IFT46: variants seen among roughly 807,000 people sequenced by gnomAD.
The protein encoded by IFT46 is intraflagellar transport protein 46 homolog.
A neutral mutation model predicts 39.6 loss-of-function variants in IFT46; 19 were observed. That is an observed-to-expected ratio of 0.48 (90% CI 0.33 to 0.70). The LOEUF (loss-of-function observed/expected upper bound fraction) is 0.70, where lower values mean the gene tolerates loss of function less well. IFT46 is among the 30% of genes least tolerant of loss of function. The pLI is 0.01. For synonymous variants in IFT46, 117 were observed against 134.8 expected (o/e 0.87, Z 0.91); for missense variants, 334 against 364.8 (o/e 0.92, Z 0.69).
intron 4 of IFT46, 60 bp from the exon 5 acceptor site, chr11:118,555,382 C>T: frequency 3.1e-6 from 4 of 1,288,540 alleles, no homozygotes; most frequent in Non-Finnish European, 4.5e-6. Flanking sequence ...TGGCAGGGTC[C>T]TAGGTGCTGG....
At chr11:118,565,140 C>T (rs1361479723) in intron 1 of IFT46, 79 bp from the exon 2 acceptor site, 1 of 152,504 alleles carries the variant, frequency 6.6e-6, no homozygotes, top group African/African-American at 2.4e-5. Context: ...TCCAAACCAG[C>T]ATTGGCTCCT....
chr11:118,565,982 C>T (rs1248365063), upstream of IFT46: 2 of 152,166 alleles, frequency 1.3e-5, no homozygotes, highest in Non-Finnish European at 1.5e-5. Flanking sequence ...ACCTCCTGCG[C>T]GTTAAGCCTC....
intron 2 of IFT46, among the ~76,000 whole-genome samples, chr11:118,563,165 A>G (rs1357962855): frequency 2.6e-5 from 4 of 152,036 alleles, no homozygotes; most frequent in African/African-American, 7.3e-5. Flanking sequence ...GAACATCACA[A>G]TAAGTGAAGT....
At position 118,554,576 on chromosome 11, in the gene IFT46, A is replaced by G; in HGVS notation, c.366T>C (p.Pro122=). The G allele has an allele frequency of 6.2e-7, 1 of 1,601,516 alleles. No homozygotes were observed. Among genetic ancestry groups the G allele is most frequent in the Non-Finnish European group, 8.5e-7 (1 of 1,176,674 alleles). Reference sequence around the variant, plus strand: ...GGCCAAGGTTGTCAGGCTTTCCATCAGGACGTGGGACCTGGTTAAGAAAAA... The same window carrying G: ...GGCCAAGGTTGTCAGGCTTTCCATCGGGACGTGGGACCTGGTTAAGAAAAA... ...DIDAFLKVPR[P]DGKPDNLGLL... Residue 122 remains proline (P), a synonymous_variant, in exon 7 of 12, where the codon CCT becomes CCC. Transcript: ENST00000264021.
chr11:118,551,856 A>G lies in IFT46; in HGVS notation c.606-4T>C. 1 of 1,613,568 alleles carries G rather than the reference A, an allele frequency of 6.2e-7. No individual in the cohort carries two copies. The highest frequency in any genetic ancestry group is 8.5e-7 in the Non-Finnish European group (1 of 1,179,612). ...CGTGTCAATGTCGGGCATGGGCCTA[A>G]AAGTATAAAGGTAAATATGAACAAG... is the stretch of plus-strand genomic sequence containing the variant. On this transcript the variant is annotated splice_region_variant and splice_polypyrimidine_tract_variant and intron_variant, in intron 8 of 11. Coordinates refer to ENST00000264021, the MANE Select transcript of IFT46 (RefSeq NM_001168618.2).
upstream of IFT46, among the ~76,000 whole-genome samples, chr11:118,568,324 T>C (rs1555071862): frequency 1.3e-5 from 2 of 151,976 alleles, no homozygotes; most frequent in African/African-American, 4.8e-5. Context: ...CCGAGGCAGG[T>C]GGATCACCAG....
chr11:118,560,572 C>G, intron 2 of IFT46: 1 of 313,018 alleles, frequency 3.2e-6, no homozygotes, highest in South Asian at 3.3e-5. Context: ...GTGCTGAATT[C>G]ATACTAAGAG....
upstream of IFT46, among the ~76,000 whole-genome samples, chr11:118,575,411 G>GTGTGTGTGTGT (rs1938469905): frequency 1.1e-4 from 17 of 149,084 alleles, no homozygotes; most frequent in African/African-American, 3.7e-4. Flanking sequence ...ACTGATAACG[G>GTGTGTGTGTGT]GTGTGTGTGT....
At chr11:118,573,705 C>T, upstream of IFT46, 1 of 700,270 alleles carries the variant, frequency 1.4e-6, no homozygotes, top group East Asian at 2.7e-5. Flanking sequence ...CTATTGACAA[C>T]CCTTTAGATA....
chr11:118,557,381 G>A, intron 3 of IFT46: 1 of 396,866 alleles, frequency 2.5e-6, no homozygotes, highest in East Asian at 5.1e-5. Flanking sequence ...TCAAAGAAGA[G>A]GATGGCAACT....
In IFT46 at chr11:118,554,508, G is replaced by A. The variant is rs371574336; in HGVS notation, c.434C>T (p.Thr145Met). ...DEPSTKQSDP[T>M]VLSLWLTENS... ...CTCTGTTAACCAGAGTGAGAGCACCGTAGGGTCTGACTGCTTTGTAGAAGG... is the reference window on the plus strand; with the variant it reads ...CTCTGTTAACCAGAGTGAGAGCACCATAGGGTCTGACTGCTTTGTAGAAGG... Residue 145 changes from threonine to methionine, a missense_variant, in exon 7 of 12, where the codon ACG (threonine) becomes ATG (methionine). By Grantham distance (81) the Thr-to-Met change is moderately conservative (BLOSUM62 -1). Coordinates refer to ENST00000264021, the MANE Select transcript of IFT46 (RefSeq NM_001168618.2). The A allele has an allele frequency of 1.7e-5, 27 of 1,613,274 alleles. No individual in the cohort carries two copies. The highest frequency in any genetic ancestry group is 1.6e-4 in the Middle Eastern group (1 of 6,080).
chr11:118,559,024 G>A (rs1446974084), intron 3 of IFT46, among the ~76,000 whole-genome samples: 2 of 148,628 alleles, frequency 1.3e-5, no homozygotes, highest in East Asian at 4.4e-4. Flanking sequence ...CCGCCACCAC[G>A]CCCAGCTAAT....
intron 2 of IFT46, chr11:118,561,419 G>T: frequency 1.2e-6 from 1 of 816,566 alleles, no homozygotes; most frequent in Non-Finnish European, 2.2e-6. Context: ...GAAAGCTCAT[G>T]CTGCTATATG....
At position 118,545,474 on chromosome 11, in the gene IFT46, A is replaced by G; in HGVS notation, c.754T>C (p.Tyr252His). 2 of 1,613,582 alleles carry G rather than the reference A, an allele frequency of 1.2e-6. No individual in the cohort carries two copies. Among genetic ancestry groups the G allele is most frequent in the Non-Finnish European group, 1.7e-6 (2 of 1,179,502 alleles). ...MICAILDIPV[Y>H]KSRIQSLHLL... is the part of the protein sequence containing the mutation. ...TGGAGGGACTGGATCCGACTCTTGTAGACAGGGATGTCTAGAATGGCTGAA... is the reference window on the plus strand; with the variant it reads ...TGGAGGGACTGGATCCGACTCTTGTGGACAGGGATGTCTAGAATGGCTGAA... Residue 252 changes from tyrosine to histidine, a missense_variant, in exon 11 of 12, where the codon TAC becomes CAC. Transcript: ENST00000264021.
upstream of IFT46, among the ~76,000 whole-genome samples, chr11:118,567,860 A>G (rs1938263422): frequency 6.6e-6 from 1 of 152,194 alleles, no homozygotes; most frequent in African/African-American, 2.4e-5. Context: ...ACCTTATGAG[A>G]TAGATGTTAC....
intron 3 of IFT46, chr11:118,557,765 C>G: frequency 6.2e-7 from 1 of 1,614,112 alleles, no homozygotes; most frequent in Non-Finnish European, 8.5e-7. Flanking sequence ...TCTCTCTGTA[C>G]CATCCCACCC....
chr11:118,576,445 A>AC (rs1321215629), upstream of IFT46, among the ~76,000 whole-genome samples: 1 of 148,378 alleles, frequency 6.7e-6, no homozygotes, highest in Non-Finnish European at 1.5e-5. Flanking sequence ...AAAAAAAAAA[A>AC]AAAACCAAAA....
At chr11:118,555,144 C>T in intron 5 of IFT46, 61 bp from the exon 6 acceptor site, 2 of 1,540,466 alleles carry the variant, frequency 1.3e-6, no homozygotes, top group Non-Finnish European at 9.0e-7. Flanking sequence ...ACTATTCAGG[C>T]TAAAAAAAAA....
chr11:118,576,692 T>C (rs782740809), upstream of IFT46, among the ~76,000 whole-genome samples: 4 of 152,188 alleles, frequency 2.6e-5, no homozygotes, highest in Non-Finnish European at 5.9e-5. Context: ...TTAGTAGCTG[T>C]AACAGAGAGA....
Sources: gnomAD v4.1 joint callset for allele counts (sites outside exome capture counted in the v4.1 genomes callset) on GRCh38, gnomAD v4.1.1 for gene constraint, MANE v1.5 for transcripts, NCBI Gene and HGNC (gene_info 2026-07-23, HGNC 2026-07-21) for gene names.